The following RSPH6A variants were observed in gnomAD, a reference collection of about 807,000 sequenced individuals.
RSPH6A encodes the protein radial spoke head protein 6 homolog A.
Under a neutral mutation model 66.1 loss-of-function variants are expected in RSPH6A, and 49 were observed. That is an observed-to-expected ratio of 0.74 (90% CI 0.59 to 0.94). The LOEUF (loss-of-function observed/expected upper bound fraction) is 0.94, where lower values mean the gene tolerates loss of function less well. Ranked by LOEUF, RSPH6A falls within the 40% of genes least tolerant of loss-of-function variation. The pLI is 0.00. For synonymous variants in RSPH6A, 419 were observed against 402.4 expected (o/e 1.04, Z -0.49); for missense variants, 977 against 948.3 (o/e 1.03, Z -0.40).
chr19:45,801,605 A>G (rs1568597937), intron 4 of RSPH6A, among the ~76,000 whole-genome samples: 1 of 152,166 alleles, frequency 6.6e-6, no homozygotes, highest in Admixed American at 6.6e-5. Flanking sequence ...CACTAAAAAT[A>G]CAAAAGTTAT....
rs377543353 is a variant in RSPH6A at position 45,814,843 on chromosome 19, C to A, written c.334G>T (p.Ala112Ser). 6.2e-7 allele frequency: 1 copy of A among 1,614,044 alleles called. No homozygotes were observed. The highest frequency in any genetic ancestry group is 1.1e-5 in the South Asian group (1 of 91,068). ...PYSDESRMQV[A>S]ELTTSLMLQR... ...AGCATTAGGCTGGTGGTGAGCTCGG[C>A]GACCTGCATCCTGCTTTCATCAGAG... Residue 112 changes from alanine (A) to serine (S), a missense_variant, in exon 1 of 6, where the codon GCC becomes TCC. Ala to Ser is a moderately conservative substitution (Grantham distance 99, BLOSUM62 1). Coordinates refer to ENST00000221538, the MANE Select transcript of RSPH6A (RefSeq NM_030785.4).
At position 45,800,534 on chromosome 19, in the gene RSPH6A, G is replaced by A. The variant is rs368970645; in HGVS notation, c.1828C>T (p.Arg610Cys). 36 of 1,612,546 alleles carry A rather than the reference G, an allele frequency of 2.2e-5. No homozygotes were observed. The highest frequency in any genetic ancestry group is 1.8e-4 in the Admixed American group (11 of 59,780). ...EIMHLAPWTT[R>C]LSCSLCPQYS... ...TGCGGGCAGAGGCTGCAGGACAGGC[G>A]GGTGGTCCAGGGTGCCAGGTGCATG... The change falls in exon 5 of 6, where the codon CGC (arginine) becomes TGC (cysteine). Residue 610 changes from arginine to cysteine, a missense_variant. By Grantham distance (180) the Arg-to-Cys change is radical. Transcript: ENST00000221538.
At position 45,802,753 on chromosome 19, in the gene RSPH6A, C is replaced by T. The variant is rs1405184867; in HGVS notation, c.1654-489G>A. Among the ~76,000 whole-genome samples the T allele has an allele frequency of 3.3e-5, 5 of 151,528 alleles. No individual in the cohort carries two copies. In the South Asian group the frequency reaches 8.4e-4, roughly 25 times the overall value. On this transcript the variant is annotated intron_variant, in intron 3 of 5. Transcript: ENST00000221538. ...AACTCCTGACCTCAAATGATCCACCCGCCTTGGCCTCCCAAAGTGCTGGGA... is the reference window on the plus strand; with the variant it reads ...AACTCCTGACCTCAAATGATCCACCTGCCTTGGCCTCCCAAAGTGCTGGGA...
At chr19:45,809,483 C>A (rs186294615) in intron 2 of RSPH6A, among the ~76,000 whole-genome samples, 109 of 151,108 alleles carry the variant, frequency 7.2e-4, no homozygotes, top group African/African-American at 2.5e-3. Flanking sequence ...TTTTTGTATT[C>A]TTAGTAGAGA....
intron 5 of RSPH6A, among the ~76,000 whole-genome samples, chr19:45,798,904 T>G (rs1474291097): frequency 2.2e-5 from 3 of 133,660 alleles, no homozygotes; most frequent in African/African-American, 5.7e-5. Flanking sequence ...ACAGATTGGG[T>G]GGGGGACAGA....
intron 2 of RSPH6A, among the ~76,000 whole-genome samples, chr19:45,809,202 TGTGTTAACCAGGA>T (rs1970589481): frequency 6.7e-6 from 1 of 148,930 alleles, no homozygotes; most frequent in Non-Finnish European, 1.5e-5. Context: ...GGGGTTTCAC[TGTGTTAACCAGGA>T]TGGTCTCGAT....
chr19:45,814,389 G>T (rs528497192), intron 1 of RSPH6A, 138 bp downstream of exon 1: 23 of 703,932 alleles, frequency 3.3e-5, no homozygotes, highest in Middle Eastern at 4.3e-4. Context: ...TGTTGGCATT[G>T]ATTCCGACTC....
At chr19:45,811,439 T>A (rs1165365898) in intron 1 of RSPH6A, among the ~76,000 whole-genome samples, 1 of 152,140 alleles carries the variant, frequency 6.6e-6, no homozygotes, top group Non-Finnish European at 1.5e-5. Flanking sequence ...GCAATTTTAT[T>A]TTTTTAATTT....
At chr19:45,810,907 T>C (rs910667008) in intron 1 of RSPH6A, 67 bp from the exon 2 acceptor site, 8 of 1,386,456 alleles carry the variant, frequency 5.8e-6, no homozygotes, top group Middle Eastern at 1.8e-4. Context: ...CTGGCTCCCA[T>C]GTGCCTGGCC....
Position 45,815,082 on chromosome 19 carries a change from T to G in RSPH6A, c.95A>C (p.Gln32Pro), listed in dbSNP as rs760113704. 1 of 1,613,342 alleles carries G rather than the reference T, an allele frequency of 6.2e-7. No homozygotes were observed. Among genetic ancestry groups the G allele is most frequent in the Non-Finnish European group, 8.5e-7 (1 of 1,180,014 alleles). ...GGGGTCCGCTGCCAGGGCCTGAGCT[T>G]GGTCCCGACTGTGCCGCCTCTGGGA... ...QASQRRHSRD[Q>P]AQALAADPEE... Residue 32 changes from glutamine to proline, a missense_variant, in exon 1 of 6, where the codon CAA becomes CCA. Gln to Pro is a moderately conservative substitution (Grantham distance 76). Coordinates refer to ENST00000221538, the MANE Select transcript of RSPH6A (RefSeq NM_030785.4).
chr19:45,808,303 T>C (rs902685196), intron 2 of RSPH6A, among the ~76,000 whole-genome samples: 1 of 152,146 alleles, frequency 6.6e-6, no homozygotes, highest in Non-Finnish European at 1.5e-5. Flanking sequence ...TGGCACAGCC[T>C]GTAGTCCCAG....
chr19:45,799,727 T>C (rs1970446863), intron 5 of RSPH6A, among the ~76,000 whole-genome samples: 1 of 151,966 alleles, frequency 6.6e-6, no homozygotes. Context: ...GGAAGGTTTC[T>C]GCCCCATAGA....
Position 45,800,484 on chromosome 19 carries a change from G to A in RSPH6A, c.1878C>T (p.Ser626=), listed in dbSNP as rs372495060. 22 of 1,613,370 alleles carry A rather than the reference G, an allele frequency of 1.4e-5. No homozygotes were observed. The highest frequency in any genetic ancestry group is 1.6e-5 in the Non-Finnish European group (19 of 1,179,938). The change falls in exon 5 of 6, where the codon TCC becomes TCT. Residue 626 remains serine, a synonymous_variant. Coordinates refer to ENST00000221538, the MANE Select transcript of RSPH6A (RefSeq NM_030785.4). ...CPQYSVAVVR[S]NLWPGAYAYA... is the part of the protein sequence containing the mutation. ...AGGCATAGGCCCCGGGCCAGAGGTT[G>A]GAGCGCACAACGGCCACTGAGTACT... is the stretch of plus-strand genomic sequence containing the variant.
Position 45,804,815 on chromosome 19 carries a change from C to G in RSPH6A, c.1090G>C (p.Glu364Gln). Residue 364 changes from glutamate to glutamine, a missense_variant, in exon 3 of 6, where the codon GAG becomes CAG. Coordinates refer to ENST00000221538, the MANE Select transcript of RSPH6A (RefSeq NM_030785.4). This position sits in a 1 kb window ranked among gnomAD's most constrained non-coding sequence, Gnocchi z 5.8. ...SYLVAEVEFR[E>Q]GEEEAEEEEV... Reference sequence around the variant, plus strand: ...TCCTCCTCTGCCTCCTCCTCGCCCTCCCGGAATTCCACCTCGGCCACCAGG... The same window carrying G: ...TCCTCCTCTGCCTCCTCCTCGCCCTGCCGGAATTCCACCTCGGCCACCAGG... The G allele has an allele frequency of 6.2e-7, 1 of 1,614,130 alleles. No homozygotes were observed. The highest frequency in any genetic ancestry group is 8.5e-7 in the Non-Finnish European group (1 of 1,180,002).
rs756866590 is a variant in RSPH6A, at chr19:45,796,033, G to A, written c.1990C>T (p.Pro664Ser). The change falls in exon 6 of 6, where the codon CCC becomes TCC. Residue 664 changes from proline to serine, a missense_variant. Coordinates refer to ENST00000221538, the MANE Select transcript of RSPH6A (RefSeq NM_030785.4). ...PESFNPALPA[P>S]IQQEYPSGPE... is the part of the protein sequence containing the mutation. Reference sequence around the variant, plus strand: ...CCACTGGGGTACTCTTGTTGAATGGGGGCTGGCAGGGCCGGGTTGAAGCTC... The same window carrying A: ...CCACTGGGGTACTCTTGTTGAATGGAGGCTGGCAGGGCCGGGTTGAAGCTC... The A allele has an allele frequency of 6.2e-7, 1 of 1,613,748 alleles. No homozygotes were observed. Among genetic ancestry groups the A allele is most frequent in the Non-Finnish European group, 8.5e-7 (1 of 1,179,788 alleles).
At chr19:45,809,715 C>G (rs139878370) in intron 2 of RSPH6A, among the ~76,000 whole-genome samples, 10 of 152,316 alleles carry the variant, frequency 6.6e-5, no homozygotes, top group Non-Finnish European at 1.5e-4. Flanking sequence ...GAGCAGGAAG[C>G]CATCCACAGA....
chr19:45,814,447 G>A (rs1970673057), intron 1 of RSPH6A, 80 bp downstream of exon 1: 3 of 1,326,964 alleles, frequency 2.3e-6, no homozygotes, highest in South Asian at 1.7e-5. Flanking sequence ...TCCCTTGTCT[G>A]ACTGACTGAG....
chr19:45,803,718 C>T (rs890795679), intron 3 of RSPH6A, among the ~76,000 whole-genome samples: 21 of 148,780 alleles, frequency 1.4e-4, no homozygotes, highest in African/African-American at 4.0e-4. Flanking sequence ...CCAGCCAGGG[C>T]GCAGTGGCTC....
In RSPH6A at chr19:45,800,495, C is replaced by A; in HGVS notation, c.1867G>T (p.Val623Phe). 1 of 1,613,504 alleles carries A rather than the reference C, an allele frequency of 6.2e-7. No homozygotes were observed. The highest frequency in any genetic ancestry group is 8.5e-7 in the Non-Finnish European group (1 of 1,179,930). Reference sequence around the variant, plus strand: ...CCGGGCCAGAGGTTGGAGCGCACAACGGCCACTGAGTACTGCGGGCAGAGG... The same window carrying A: ...CCGGGCCAGAGGTTGGAGCGCACAAAGGCCACTGAGTACTGCGGGCAGAGG... ...CSLCPQYSVA[V>F]VRSNLWPGAY... Residue 623 changes from valine (V) to phenylalanine (F), a missense_variant, in exon 5 of 6, where the codon GTT becomes TTT. Val to Phe is a conservative substitution (Grantham distance 50, BLOSUM62 -1). Coordinates refer to ENST00000221538, the MANE Select transcript of RSPH6A (RefSeq NM_030785.4).
Sources: allele counts gnomAD v4.1 joint callset (sites outside exome capture counted in the v4.1 genomes callset), GRCh38; gene constraint gnomAD v4.1.1; non-coding constraint Gnocchi (gnomAD v3.1); transcripts MANE v1.5; gene names NCBI Gene and HGNC (gene_info 2026-07-23, HGNC 2026-07-21).